The following ERO1B variants were observed in gnomAD, a reference collection of about 807,000 sequenced individuals.
ERO1B encodes the protein endoplasmic reticulum oxidoreductase 1 beta.
Under a neutral mutation model 75.3 loss-of-function variants are expected in ERO1B, and 49 were observed. That is an observed-to-expected ratio of 0.65 (90% CI 0.52 to 0.83). ERO1B has a LOEUF of 0.83. Ranked by LOEUF, ERO1B falls within the 40% of genes least tolerant of loss-of-function variation. ERO1B has a pLI of 0.00. For synonymous variants in ERO1B, 191 were observed against 192.9 expected (o/e 0.99, Z 0.08); for missense variants, 512 against 560.1 (o/e 0.91, Z 0.87).
intron 10 of ERO1B, among the ~76,000 whole-genome samples, chr1:236,229,432 A>T (rs1039114586): frequency 2.0e-5 from 3 of 152,148 alleles, no homozygotes; most frequent in South Asian, 4.1e-4. Context: ...CAAAAAAAAA[A>T]AAAAGAAATA....
intron 8 of ERO1B, among the ~76,000 whole-genome samples, chr1:236,234,117 G>T (rs987692053): frequency 8.5e-5 from 13 of 152,216 alleles, no homozygotes; most frequent in African/African-American, 2.9e-4. Flanking sequence ...CAGGTAAATA[G>T]CAACAGCAAG....
chr1:236,221,182 T>G (rs1664130117), intron 14 of ERO1B, among the ~76,000 whole-genome samples: 1 of 152,180 alleles, frequency 6.6e-6, no homozygotes, highest in Non-Finnish European at 1.5e-5. Flanking sequence ...TAACACTTAT[T>G]GAATACATAT....
intron 1 of ERO1B, among the ~76,000 whole-genome samples, chr1:236,276,443 A>G (rs887000765): frequency 2.0e-5 from 3 of 152,224 alleles, no homozygotes; most frequent in African/African-American, 7.2e-5. Flanking sequence ...AAGAATGCTA[A>G]GACAGACTGG....
intron 14 of ERO1B, chr1:236,221,719 C>A: frequency 2.0e-6 from 1 of 493,802 alleles, no homozygotes. Flanking sequence ...AAACTAAAAT[C>A]ACTAAAGAAT....
chr1:236,250,618 T>TGTATAG (rs1491338079), intron 4 of ERO1B, among the ~76,000 whole-genome samples: 6,734 of 109,314 alleles, frequency 0.062, 997 homozygotes, highest in Non-Finnish European at 0.092. Context: ...TATATATATA[T>TGTATAG]CAAACGTGTG....
At chr1:236,243,364 A>G (rs1664760974) in intron 6 of ERO1B, 58 bp downstream of exon 6, 1 of 1,183,012 alleles carries the variant, frequency 8.5e-7, no homozygotes, top group Admixed American at 2.5e-5. Context: ...ATTGATTAAA[A>G]TGTCTTATAA....
At chr1:236,250,707 T>C (rs200981298) in intron 4 of ERO1B, among the ~76,000 whole-genome samples, 5 of 83,862 alleles carry the variant, frequency 6.0e-5, no homozygotes, top group Admixed American at 4.0e-4. Context: ...TACACACACA[T>C]ATATATATAC....
chr1:236,224,973 G>T, intron 13 of ERO1B, 97 bp downstream of exon 13: 1 of 1,130,258 alleles, frequency 8.8e-7, no homozygotes, highest in Non-Finnish European at 1.3e-6. Context: ...CTGACAAGAA[G>T]CTGGAAAACT....
intron 5 of ERO1B, among the ~76,000 whole-genome samples, chr1:236,248,175 G>C (rs1405581225): frequency 1.3e-5 from 2 of 152,086 alleles, no homozygotes; most frequent in East Asian, 1.9e-4. Flanking sequence ...TTCATTTGTT[G>C]AATGAATAAG....
chr1:236,220,747 C>A, intron 15 of ERO1B, 85 bp downstream of exon 15: 1 of 1,363,680 alleles, frequency 7.3e-7, no homozygotes, highest in Non-Finnish European at 9.6e-7. Context: ...CAAAACAAAC[C>A]CTACTTTTAG....
chr1:236,247,001 C>A (rs1435267305), intron 5 of ERO1B, among the ~76,000 whole-genome samples: 20 of 152,084 alleles, frequency 1.3e-4, no homozygotes, highest in Admixed American at 1.2e-3. Context: ...AGAATGCTTA[C>A]AAATCAGTAA....
intron 1 of ERO1B, among the ~76,000 whole-genome samples, chr1:236,273,479 C>T (rs1396805658): frequency 1.3e-5 from 2 of 152,174 alleles, no homozygotes; most frequent in Admixed American, 1.3e-4. Flanking sequence ...AAGAACATTG[C>T]TACACAAATG....
At position 236,218,592 on chromosome 1, in the gene ERO1B, A is replaced by C; in HGVS notation, c.1344-16T>G. ...TGTAGAAAGCCTATGGAAGAAAGAA[A>C]AAGCTTATTAGTAAGGCTAACATGT... On this transcript the variant is annotated splice_polypyrimidine_tract_variant and intron_variant, in intron 15 of 15. Coordinates refer to ENST00000354619, the MANE Select transcript of ERO1B (RefSeq NM_019891.4). 9 of 1,347,970 alleles carry C rather than the reference A, an allele frequency of 6.7e-6. No individual in the cohort carries two copies. The highest frequency in any genetic ancestry group is 8.7e-6 in the Non-Finnish European group (9 of 1,031,360). The allele number at this position is 1,347,970 out of a possible 1,614,324, so 83.5% of individuals were successfully genotyped here.
chr1:236,219,067 A>G (rs1664071674), intron 15 of ERO1B, among the ~76,000 whole-genome samples: 1 of 152,352 alleles, frequency 6.6e-6, no homozygotes, highest in East Asian at 1.9e-4. Flanking sequence ...TTCTCAGCCC[A>G]GGCCAAAAAG....
chr1:236,240,818 T>C (rs1664680390), intron 6 of ERO1B, among the ~76,000 whole-genome samples: 1 of 152,098 alleles, frequency 6.6e-6, no homozygotes, highest in Non-Finnish European at 1.5e-5. Flanking sequence ...ATATGCCATA[T>C]ACTGTCAGAC....
chr1:236,253,623 C>T (rs10082203), intron 2 of ERO1B, 118 bp from the exon 3 acceptor site: 99,353 of 662,306 alleles, frequency 0.15, 8,679 homozygotes, highest in African/African-American at 0.3. Context: ...TTCCTATCCT[C>T]GTGGCACCTA....
chr1:236,262,370 T>C (rs1273606144), intron 2 of ERO1B, among the ~76,000 whole-genome samples: 2 of 152,126 alleles, frequency 1.3e-5, no homozygotes, highest in African/African-American at 4.8e-5. Flanking sequence ...CTCACACTCT[T>C]TAGGTCTTCC....
chr1:236,244,021 G>A (rs1439730721), intron 5 of ERO1B, among the ~76,000 whole-genome samples: 4 of 152,060 alleles, frequency 2.6e-5, no homozygotes, highest in African/African-American at 9.7e-5. Context: ...TCACAGCCTA[G>A]TTAACATTTA....
intron 5 of ERO1B, among the ~76,000 whole-genome samples, chr1:236,245,453 C>T (rs146090105): frequency 6.0e-5 from 1 of 16,596 alleles, no homozygotes; most frequent in African/African-American, 4.1e-4. Flanking sequence ...TATATATATA[C>T]GTATATATAT....
Sources: gnomAD v4.1 joint callset for allele counts (sites outside exome capture counted in the v4.1 genomes callset) on GRCh38, gnomAD v4.1.1 for gene constraint, MANE v1.5 for transcripts, NCBI Gene and HGNC (gene_info 2026-07-23, HGNC 2026-07-21) for gene names.